TRIOBP: variants seen among roughly 807,000 people sequenced by gnomAD.
The protein encoded by TRIOBP is TRIO and F-actin-binding protein.
In TRIOBP, 169 loss-of-function variants were observed where a neutral mutation model predicts 238.8. The observed-to-expected ratio is 0.71, with a 90% CI of 0.62 to 0.80. The LOEUF is 0.80. Ranked by LOEUF, TRIOBP falls within the 30% of genes least tolerant of loss-of-function variation. The probability of loss-of-function intolerance (pLI) is 0.00; values close to 1 mark genes in which losing one functional copy is unlikely to be tolerated. For missense variants in TRIOBP, 2,838 were observed against 3,122.6 expected, an observed-to-expected ratio of 0.91 and a Z score of 2.17; for synonymous variants, 1,150 against 1,274.4, an observed-to-expected ratio of 0.90 and a Z score of 2.08.
rs368169188 is a variant in TRIOBP at position 37,712,957 on chromosome 22, AAAATAAATAAAT to A, written c.255-222_255-211del. Reference sequence around the variant, plus strand: ...GGGTGACAGAGCGAGACTCTGTCTCAAAATAAATAAATAAATAAATAAATAAATAAATAAATA... The same window carrying A: ...GGGTGACAGAGCGAGACTCTGTCTCAAAATAAATAAATAAATAAATAAATA... On this transcript the variant is annotated intron_variant, in intron 4 of 23. Coordinates refer to ENST00000644935, the MANE Select transcript of TRIOBP (RefSeq NM_001039141.3). Among the ~76,000 whole-genome samples, 430 of 138,404 alleles carry A rather than the reference AAAATAAATAAAT, an allele frequency of 3.1e-3. 9 individuals carry two copies. In the East Asian group the frequency reaches 0.056, roughly 18 times the overall value. 90.8% of individuals were successfully genotyped at this position (138,404 alleles called of 152,430 possible).
chr22:37,750,050 G>A (rs1052836543), intron 11 of TRIOBP, among the ~76,000 whole-genome samples: 2 of 152,220 alleles, frequency 1.3e-5, no homozygotes, highest in Admixed American at 6.5e-5. Context: ...CTGGGCTCTG[G>A]AGGATCACTA....
chr22:37,706,606 C>A (rs1195338405), intron 3 of TRIOBP, among the ~76,000 whole-genome samples: 1 of 151,994 alleles, frequency 6.6e-6, no homozygotes, highest in Non-Finnish European at 1.5e-5. Context: ...GCCTAGTTAA[C>A]AAAGTGAGAT....
At chr22:37,771,323 G>A (rs2145884234) in intron 21 of TRIOBP, among the ~76,000 whole-genome samples, 1 of 152,296 alleles carries the variant, frequency 6.6e-6, no homozygotes, top group Admixed American at 6.5e-5. Flanking sequence ...TTGTGGAGTG[G>A]TTCAGCCTGC....
chr22:37,767,944 T>C, intron 18 of TRIOBP, 130 bp from the exon 19 acceptor site: 1 of 763,462 alleles, frequency 1.3e-6, no homozygotes. Flanking sequence ...TCCAAGTCCA[T>C]AGTACTTGCA....
chr22:37,709,976 C>A (rs1923148650), intron 3 of TRIOBP, among the ~76,000 whole-genome samples: 1 of 152,242 alleles, frequency 6.6e-6, no homozygotes, highest in Non-Finnish European at 1.5e-5. Context: ...TTCCTCCTCG[C>A]CCTTGTCTTT....
At position 37,754,912 on chromosome 22, in the gene TRIOBP, G is replaced by A. The variant is rs751311447; in HGVS notation, c.5415G>A (p.Ser1805=). The A allele has an allele frequency of 1.5e-5, 25 of 1,613,972 alleles. No homozygotes were observed. Among genetic ancestry groups the A allele is most frequent in the Admixed American group, 5.0e-5 (3 of 60,006 alleles). The change falls in exon 13 of 24, where the codon TCG becomes TCA. Residue 1805 remains serine (S), a synonymous_variant. Transcript: ENST00000644935. ...PSPSLTTTST[S]QWKKHWFVLT... is the part of the protein sequence containing the mutation. ...CCTCGCTCACCACCACCTCTACTTC[G>A]CAGTGGAAGAAACATTGGTTTGTGC...
chr22:37,726,746 T>C lies in TRIOBP; in HGVS notation c.3947+243T>C, dbSNP rs558988885. On this transcript the variant is annotated intron_variant, in intron 7 of 23. Transcript: ENST00000644935. ...CAGTGGTTAACAGCAAAGACTGCAG[T>C]CAGGAGGGCTGAGTCCAAATCCTGG... Among the ~76,000 whole-genome samples, 6 of 152,268 alleles carry C rather than the reference T, an allele frequency of 3.9e-5. No homozygotes were observed. In the East Asian group the frequency reaches 1.2e-3, roughly 29 times the overall value.
Position 37,735,147 on chromosome 22 carries a change from A to C in TRIOBP, c.4811A>C (p.Asp1604Ala). The C allele has an allele frequency of 6.2e-7, 1 of 1,610,436 alleles. No homozygotes were observed. The highest frequency in any genetic ancestry group is 8.5e-7 in the Non-Finnish European group (1 of 1,177,820). The change falls in exon 9 of 24, where the codon GAC becomes GCC. Residue 1604 changes from aspartate (D) to alanine (A), a missense_variant. Around this residue, in one of 5 missense-constraint regions of TRIOBP, gnomAD observed 2,096 missense variants for 2,137.4 expected, o/e 0.98. Coordinates refer to ENST00000644935, the MANE Select transcript of TRIOBP (RefSeq NM_001039141.3). ...PRKDPAGHRD[D>A]LARALGPELG... is the part of the protein sequence containing the mutation. ...AAGGACCCAGCTGGACACAGGGATG[A>C]CCTGGCCAGGGCTTTAGGGCCAGAG...
Position 37,744,170 on chromosome 22 carries a change from G to A in TRIOBP, c.5322+3138G>A, listed in dbSNP as rs555271061. 1.7e-4 allele frequency among the ~76,000 whole-genome samples: 26 copies of A among 151,822 alleles called. 1 individual carries two copies. Among genetic ancestry groups the A allele is most frequent in the Admixed American group, 1.3e-3 (20 of 15,230 alleles). ...ATCACAGCCATGTGCCACCACGCCC[G>A]GCTAATTTTTTGTATTTTTACCAGA... On this transcript the variant is annotated intron_variant, in intron 11 of 23. Transcript: ENST00000644935.
intron 10 of TRIOBP, among the ~76,000 whole-genome samples, chr22:37,739,606 G>T (rs1924840697): frequency 6.6e-6 from 1 of 152,176 alleles, no homozygotes; most frequent in African/African-American, 2.4e-5. Flanking sequence ...CGCTCTCTCT[G>T]CACCTCCACC....
rs879556792 is a variant in TRIOBP, at chr22:37,741,789, G to A, written c.5322+757G>A. Among the ~76,000 whole-genome samples, 18 of 152,288 alleles carry A rather than the reference G, an allele frequency of 1.2e-4. 1 individual carries two copies. The highest frequency in any genetic ancestry group is 1.1e-3 in the Admixed American group (17 of 15,296). ...AAGGAGCTGATTTTCCTCATTCTCA[G>A]ATGAGAGAAGGGTTGTAGCCAAACT... On this transcript the variant is annotated intron_variant, in intron 11 of 23. Coordinates refer to ENST00000644935, the MANE Select transcript of TRIOBP (RefSeq NM_001039141.3).
intron 3 of TRIOBP, among the ~76,000 whole-genome samples, chr22:37,707,128 TAAC>T (rs1922986335): frequency 6.6e-6 from 1 of 150,412 alleles, no homozygotes; most frequent in South Asian, 2.1e-4. Flanking sequence ...ATACAAAAAT[TAAC>T]AGGGTGTGGT....
rs1323093068 is a variant in TRIOBP, at chr22:37,735,094, G to C, written c.4758G>C (p.Leu1586Phe). Residue 1586 changes from leucine (L) to phenylalanine (F), a missense_variant, in exon 9 of 24, where the codon TTG (leucine) becomes TTC (phenylalanine). Transcript: ENST00000644935. ...CCAGCCTGGACTGGGAGGGCCTCTT[G>C]GAGCTCCTGCAGGCCAGGCTGCCCC... ...RVPSLDWEGL[L>F]ELLQARLPRK... 2 of 1,606,974 alleles carry C rather than the reference G, an allele frequency of 1.2e-6. No homozygotes were observed. The highest frequency in any genetic ancestry group is 1.7e-5 in the Admixed American group (1 of 59,872).
At position 37,701,789 on chromosome 22, in the gene TRIOBP, A is replaced by G. The variant is rs549104613; in HGVS notation, c.114+310A>G. On this transcript the variant is annotated intron_variant, in intron 3 of 23. Transcript: ENST00000644935. ...AAACAAAACTTCACATCATCAACACAAGTAGAAAACTAGAATTACTTCCTG... is the reference window on the plus strand; with the variant it reads ...AAACAAAACTTCACATCATCAACACGAGTAGAAAACTAGAATTACTTCCTG... Among the ~76,000 whole-genome samples the G allele has an allele frequency of 2.0e-3, 303 of 152,336 alleles. 3 individuals carry two copies. The South Asian group carries it at 0.026, about 13-fold the overall frequency.
chr22:37,710,061 T>C (rs1923155141), intron 3 of TRIOBP, among the ~76,000 whole-genome samples: 1 of 152,236 alleles, frequency 6.6e-6, no homozygotes, highest in African/African-American at 2.4e-5. Context: ...CATGTATACA[T>C]GAAGTTGCAC....
chr22:37,727,480 A>G (rs1030508051), intron 7 of TRIOBP, among the ~76,000 whole-genome samples: 2 of 151,918 alleles, frequency 1.3e-5, no homozygotes, highest in African/African-American at 2.4e-5. Flanking sequence ...CAGCCTGGCT[A>G]ACACGGTGAA....
At position 37,706,709 on chromosome 22, in the gene TRIOBP, G is replaced by A. The variant is rs1425741470; in HGVS notation, c.115-3718G>A. Among the ~76,000 whole-genome samples the A allele has an allele frequency of 6.1e-5, 9 of 148,508 alleles. No homozygotes were observed. The East Asian group carries it at 1.2e-3, about 20-fold the overall frequency. ...AGGCTGAGGCAGGAGGATTGTTTGAGCCCAGGAGATTGAGGCTGCAGTGCA... is the reference window on the plus strand; with the variant it reads ...AGGCTGAGGCAGGAGGATTGTTTGAACCCAGGAGATTGAGGCTGCAGTGCA... On this transcript the variant is annotated intron_variant, in intron 3 of 23. Coordinates refer to ENST00000644935, the MANE Select transcript of TRIOBP (RefSeq NM_001039141.3).
At position 37,701,312 on chromosome 22, in the gene TRIOBP, C is replaced by T; in HGVS notation, c.-54C>T. On this transcript the variant is annotated 5_prime_UTR_variant, in exon 3 of 24. Coordinates refer to ENST00000644935, the MANE Select transcript of TRIOBP (RefSeq NM_001039141.3). Reference sequence around the variant, plus strand: ...TCCCCCTCATTTTTGCCAGGCCTCACATAGACGGTCAGCCATTGGATCATA... The same window carrying T: ...TCCCCCTCATTTTTGCCAGGCCTCATATAGACGGTCAGCCATTGGATCATA... 1 of 1,455,822 alleles carries T rather than the reference C, an allele frequency of 6.9e-7. No individual in the cohort carries two copies. The highest frequency in any genetic ancestry group is 9.5e-7 in the Non-Finnish European group (1 of 1,049,634). 90.2% of individuals were successfully genotyped at this position (1,455,822 alleles called of 1,614,324 possible). A position where few individuals can be genotyped will look rare whatever the true frequency, so the allele number is the denominator to read the frequency against.
Position 37,757,856 on chromosome 22 carries a change from G to A in TRIOBP, c.5931G>A (p.Arg1977=), listed in dbSNP as rs753742975. The A allele has an allele frequency of 1.3e-6, 2 of 1,552,338 alleles. No individual in the cohort carries two copies. The highest frequency in any genetic ancestry group is 2.4e-5 in the South Asian group (2 of 84,254). Residue 1977 remains arginine (R), a synonymous_variant, in exon 16 of 24, where the codon CGG becomes CGA. Transcript: ENST00000644935. ...TGGCCAAGCAGGAGGAGCTGGAGCG[G>A]GACCTGGCCCAGCGCTCCGAGGAGC... ...DRLAKQEELE[R]DLAQRSEERR...
Sources: gnomAD v4.1 joint callset for allele counts (sites outside exome capture counted in the v4.1 genomes callset) on GRCh38, gnomAD v4.1.1 for gene constraint, gnomAD v4.1.1 regional missense constraint, MANE v1.5 for transcripts, NCBI Gene and HGNC (gene_info 2026-07-23, HGNC 2026-07-21) for gene names.